BEND4: variants seen among roughly 807,000 people sequenced by gnomAD.
BEND4 encodes BEN domain containing 4, also known as BEN domain-containing protein 4.
BEND4 carries 27 observed loss-of-function variants against 54.7 expected under a neutral mutation model. The ratio of observed to expected loss-of-function variants is 0.49; its 90% CI spans 0.36 to 0.68. The LOEUF (loss-of-function observed/expected upper bound fraction) is 0.68. Ranked by LOEUF, BEND4 falls within the 30% of genes least tolerant of loss-of-function variation. The pLI is 0.00. For synonymous variants in BEND4, 327 were observed against 299.5 expected, an observed-to-expected ratio of 1.09 and a Z score of -0.95; for missense variants, 702 against 697.2, an observed-to-expected ratio of 1.01 and a Z score of -0.08.
chr4:42,130,791 T>A (rs1720478782), intron 3 of BEND4, among the ~76,000 whole-genome samples: 1 of 152,262 alleles, frequency 6.6e-6, no homozygotes. Flanking sequence ...CTATTCACAA[T>A]AGCAAAGACA....
intron 4 of BEND4, among the ~76,000 whole-genome samples, chr4:42,121,428 C>T (rs1458432183): frequency 6.6e-6 from 1 of 152,236 alleles, no homozygotes; most frequent in Non-Finnish European, 1.5e-5. Context: ...AGGAAGGCAA[C>T]TGAGGCACCT....
In BEND4 at chr4:42,112,060, CA is replaced by C. The variant is rs1462905745; in HGVS notation, c.*5457del. On this transcript the variant is annotated 3_prime_UTR_variant, in exon 6 of 6. Transcript: ENST00000502486. ...TACTTTAGTAGTTTTTAGCAATACA[CA>C]AATATCAACTCTCCCTTGATGGCAT... 1 of 152,166 alleles carries C rather than the reference CA, an allele frequency of 6.6e-6. No individual in the cohort carries two copies. The highest frequency in any genetic ancestry group is 2.4e-5 in the African/African-American group (1 of 41,428). 9.4% of individuals were successfully genotyped at this position (152,166 alleles called of 1,614,324 possible). A position where few individuals can be genotyped will look rare whatever the true frequency, so the allele number is the denominator to read the frequency against.
Position 42,152,144 on chromosome 4 carries a change from C to G in BEND4, c.-1G>C, listed in dbSNP as rs1208780925. 1 of 1,243,070 alleles carries G rather than the reference C, an allele frequency of 8.0e-7. No individual in the cohort carries two copies. The allele number at this position is 1,243,070 out of a possible 1,614,324, so 77.0% of individuals were successfully genotyped here. A position where few individuals can be genotyped will look rare whatever the true frequency, so the allele number is the denominator to read the frequency against. On this transcript the variant is annotated 5_prime_UTR_variant, in exon 2 of 6. Transcript: ENST00000502486. ...CTGCCGGCTGCATCTCTTCCTCCATCCGGCGCCTCGGGGCCGGTCCCTCGG... is the reference window on the plus strand; with the variant it reads ...CTGCCGGCTGCATCTCTTCCTCCATGCGGCGCCTCGGGGCCGGTCCCTCGG...
intron 3 of BEND4, among the ~76,000 whole-genome samples, chr4:42,139,362 A>C (rs1267125883): frequency 1.3e-5 from 2 of 152,170 alleles, no homozygotes. Flanking sequence ...GTAGCTGATC[A>C]TCAAAAGACT....
At chr4:42,121,391 A>T (rs1052408069) in intron 4 of BEND4, among the ~76,000 whole-genome samples, 7 of 152,178 alleles carry the variant, frequency 4.6e-5, no homozygotes, top group Non-Finnish European at 7.3e-5. Flanking sequence ...CTCAACAAGC[A>T]ACGGCGTGAT....
chr4:42,132,766 G>A (rs1249946961), intron 3 of BEND4, among the ~76,000 whole-genome samples: 3 of 152,170 alleles, frequency 2.0e-5, no homozygotes, highest in Non-Finnish European at 2.9e-5. Flanking sequence ...TTTTAAACAA[G>A]TCACTCTCAC....
At chr4:42,145,783 C>G (rs1227681922) in intron 2 of BEND4, among the ~76,000 whole-genome samples, 1 of 151,986 alleles carries the variant, frequency 6.6e-6, no homozygotes, top group Non-Finnish European at 1.5e-5. Context: ...AATCCTGAAT[C>G]CCGCTGAAAA....
chr4:42,139,615 C>A (rs942599671), intron 3 of BEND4, among the ~76,000 whole-genome samples: 1 of 151,884 alleles, frequency 6.6e-6, no homozygotes, highest in Non-Finnish European at 1.5e-5. Context: ...TCCTCAACAG[C>A]ACTCCTCCGG....
intron 3 of BEND4, among the ~76,000 whole-genome samples, chr4:42,140,856 T>A (rs2153146925): frequency 6.6e-6 from 1 of 152,344 alleles, no homozygotes. Context: ...GGAAGGCTCC[T>A]TTGGTTATGG....
intron 3 of BEND4, among the ~76,000 whole-genome samples, chr4:42,140,359 T>C (rs1484389345): frequency 6.6e-6 from 1 of 152,244 alleles, no homozygotes; most frequent in Non-Finnish European, 1.5e-5. Context: ...TTACAATGCA[T>C]AATTAATAAA....
intron 3 of BEND4, among the ~76,000 whole-genome samples, chr4:42,126,210 C>T (rs994534452): frequency 6.6e-6 from 1 of 152,204 alleles, no homozygotes; most frequent in Non-Finnish European, 1.5e-5. Context: ...ACTTTCAAGT[C>T]AAACTTACTC....
In BEND4 at chr4:42,113,653, GATGGGAC is replaced by G. The variant is rs906284579; in HGVS notation, c.*3858_*3864del. On this transcript the variant is annotated 3_prime_UTR_variant, in exon 6 of 6. Transcript: ENST00000502486. ...CTATCAACATCAGTTACCACTAGTT[GATGGGAC>G]ATGGAGTAGTTGGATCAAGTAAAAA... 5 of 152,196 alleles carry G rather than the reference GATGGGAC, an allele frequency of 3.3e-5. No homozygotes were observed. The highest frequency in any genetic ancestry group is 7.3e-5 in the Non-Finnish European group (5 of 68,036). 9.4% of individuals were successfully genotyped at this position (152,196 alleles called of 1,614,324 possible).
rs1434230788 is a variant in BEND4 at position 42,152,343 on chromosome 4, C to A, written c.-200G>T. Reference sequence around the variant, plus strand: ...AGCCCCCGCGCGGGGGGCTGCCGCCCGAGCTCCTGATTGACAGGCTGCCTC... The same window carrying A: ...AGCCCCCGCGCGGGGGGCTGCCGCCAGAGCTCCTGATTGACAGGCTGCCTC... On this transcript the variant is annotated 5_prime_UTR_variant, in exon 2 of 6. Coordinates refer to ENST00000502486, the MANE Select transcript of BEND4 (RefSeq NM_207406.4). 1 of 355,496 alleles carries A rather than the reference C, an allele frequency of 2.8e-6. No individual in the cohort carries two copies. The highest frequency in any genetic ancestry group is 1.3e-4 in the South Asian group (1 of 7,744). The allele number at this position is 355,496 out of a possible 1,614,324, so 22.0% of individuals were successfully genotyped here.
chr4:42,141,734 C>T (rs1450688531), intron 3 of BEND4, among the ~76,000 whole-genome samples: 3 of 152,110 alleles, frequency 2.0e-5, no homozygotes, highest in African/African-American at 4.8e-5. Flanking sequence ...GAGCAAGACT[C>T]CGTCTCAATT....
At position 42,143,871 on chromosome 4, in the gene BEND4, T is replaced by C. The variant is rs1383182300; in HGVS notation, c.611A>G (p.Glu204Gly). 1 of 1,548,528 alleles carries C rather than the reference T, an allele frequency of 6.5e-7. No individual in the cohort carries two copies. The highest frequency in any genetic ancestry group is 1.4e-5 in the African/African-American group (1 of 72,682). ...SQSMISCVKQ[E>G]GSSYNERQEH... ...CTGTCTTTCGTTGTAACTTGAGCCT[T>C]CCTGCTTTACGCAAGAAATCATGGA... Residue 204 changes from glutamate to glycine, a missense_variant, in exon 3 of 6, where the codon GAA becomes GGA. By Grantham distance (98) the Glu-to-Gly change is moderately conservative. Transcript: ENST00000502486.
chr4:42,140,344 T>G (rs1385099953), intron 3 of BEND4, among the ~76,000 whole-genome samples: 1 of 152,226 alleles, frequency 6.6e-6, no homozygotes, highest in African/African-American at 2.4e-5. Context: ...CATTGTATAC[T>G]ATTTTTACAA....
In BEND4 at chr4:42,113,489, C is replaced by A. The variant is rs1034976221; in HGVS notation, c.*4029G>T. On this transcript the variant is annotated 3_prime_UTR_variant, in exon 6 of 6. Transcript: ENST00000502486. ...ATCTCCATCTGTTTTCTGAGAGCAA[C>A]AGAAGGGAGGCAACAAGCCATTGAG... 1 of 152,122 alleles carries A rather than the reference C, an allele frequency of 6.6e-6. No homozygotes were observed. The highest frequency in any genetic ancestry group is 2.4e-5 in the African/African-American group (1 of 41,394). 9.4% of individuals were successfully genotyped at this position (152,122 alleles called of 1,614,324 possible). A position where few individuals can be genotyped will look rare whatever the true frequency, so the allele number is the denominator to read the frequency against.
At chr4:42,121,657 TC>T (rs2153144787) in intron 4 of BEND4, among the ~76,000 whole-genome samples, 1 of 152,068 alleles carries the variant, frequency 6.6e-6, no homozygotes, top group African/African-American at 2.4e-5. Flanking sequence ...TAAGAGACAA[TC>T]AAAAGATGGG....
At chr4:42,136,923 CTG>C (rs1218662676) in intron 3 of BEND4, among the ~76,000 whole-genome samples, 1 of 152,200 alleles carries the variant, frequency 6.6e-6, no homozygotes, top group African/African-American at 2.4e-5. Flanking sequence ...GCTGATGAAA[CTG>C]TTGTGAGCAG....
Sources: allele counts gnomAD v4.1 joint callset (sites outside exome capture counted in the v4.1 genomes callset), GRCh38; gene constraint gnomAD v4.1.1; transcripts MANE v1.5; gene names NCBI Gene and HGNC (gene_info 2026-07-23, HGNC 2026-07-21).